The following QTMAN variants were observed in gnomAD, a reference collection of about 807,000 sequenced individuals.
The protein encoded by QTMAN is queuosine-tRNA mannosyltransferase.
At chr2:144,037,339 A>G in the QTMAN span, among the ~76,000 whole-genome samples, 1 of 152,200 alleles carries the variant, frequency 6.6e-6, no homozygotes, top group African/African-American at 2.4e-5. Flanking sequence ...AGTGGTAAAT[A>G]TTTTACTGTC....
At chr2:144,125,997 G>A in the QTMAN span, among the ~76,000 whole-genome samples, 3 of 152,028 alleles carry the variant, frequency 2.0e-5, no homozygotes, top group Non-Finnish European at 2.9e-5. Flanking sequence ...AACACGTATG[G>A]AGAAAGAGAT....
At chr2:144,067,853 T>C in the QTMAN span, among the ~76,000 whole-genome samples, 15 of 152,170 alleles carry the variant, frequency 9.9e-5, no homozygotes, top group Non-Finnish European at 1.9e-4. Context: ...GTGGGGGAAG[T>C]GCTTTTTCCC....
At chr2:144,311,063 T>G in the QTMAN span, among the ~76,000 whole-genome samples, 8 of 152,244 alleles carry the variant, frequency 5.3e-5, no homozygotes, top group East Asian at 1.3e-3. Flanking sequence ...CATACAAGTC[T>G]GCTAGGCACT....
At chr2:143,991,302 C>T in the QTMAN span, among the ~76,000 whole-genome samples, 2 of 152,040 alleles carry the variant, frequency 1.3e-5, no homozygotes, top group Non-Finnish European at 2.9e-5. Context: ...AACATTATCA[C>T]AGTGAAGGTG....
the QTMAN span, among the ~76,000 whole-genome samples, chr2:144,143,158 T>A: frequency 2.0e-4 from 30 of 152,104 alleles, no homozygotes; most frequent in South Asian, 5.8e-3. Flanking sequence ...TGATGTCTGA[T>A]AGGTTAGTTG....
the QTMAN span, among the ~76,000 whole-genome samples, chr2:144,216,046 C>T: frequency 6.6e-6 from 1 of 152,170 alleles, no homozygotes; most frequent in Non-Finnish European, 1.5e-5. Context: ...AATTCCTTTT[C>T]CCCAACTTCC....
chr2:144,028,620 G>GAACAATCCA, the QTMAN span, among the ~76,000 whole-genome samples: 1 of 152,120 alleles, frequency 6.6e-6, no homozygotes, highest in Admixed American at 6.6e-5. Context: ...CCGATGAGCA[G>GAACAATCCA]AACAATCCAA....
At chr2:144,051,216 G>T in the QTMAN span, among the ~76,000 whole-genome samples, 2 of 152,096 alleles carry the variant, frequency 1.3e-5, no homozygotes, top group African/African-American at 2.4e-5. Flanking sequence ...GGGTGTGTGT[G>T]TGTGTGTGTA....
the QTMAN span, among the ~76,000 whole-genome samples, chr2:144,287,316 T>C: frequency 3.3e-5 from 5 of 151,884 alleles, no homozygotes; most frequent in Admixed American, 2.0e-4. Flanking sequence ...GCGCCTGTAG[T>C]CCCAGCTACT....
the QTMAN span, among the ~76,000 whole-genome samples, chr2:144,099,391 A>C: frequency 6.6e-6 from 1 of 152,248 alleles, no homozygotes; most frequent in African/African-American, 2.4e-5. Flanking sequence ...AAGTAGGAAG[A>C]GAGTTGGAAA....
At chr2:144,293,239 A>G in the QTMAN span, among the ~76,000 whole-genome samples, 14 of 152,340 alleles carry the variant, frequency 9.2e-5, no homozygotes, top group East Asian at 2.5e-3. Context: ...AGATGCATGT[A>G]GTATACAGAT....
the QTMAN span, among the ~76,000 whole-genome samples, chr2:144,119,530 T>C: frequency 1.3e-5 from 2 of 152,202 alleles, no homozygotes; most frequent in Admixed American, 1.3e-4. Flanking sequence ...CATTACATGG[T>C]ACAATGACCA....
the QTMAN span, among the ~76,000 whole-genome samples, chr2:144,291,191 C>T: frequency 3.2e-4 from 48 of 152,300 alleles, no homozygotes; most frequent in African/African-American, 1.2e-3. Context: ...CAATCTAATG[C>T]TAATTTGATT....
the QTMAN span, among the ~76,000 whole-genome samples, chr2:144,315,824 G>A: frequency 6.6e-6 from 1 of 152,012 alleles, no homozygotes; most frequent in Non-Finnish European, 1.5e-5. Context: ...ATTTTTACCT[G>A]TCCTGTCTTC....
At chr2:144,144,790 A>G in the QTMAN span, among the ~76,000 whole-genome samples, 1 of 151,978 alleles carries the variant, frequency 6.6e-6, no homozygotes, top group African/African-American at 2.4e-5. Context: ...GGGTCTGTTC[A>G]AATACATCAT....
At chr2:144,327,068 C>T in the QTMAN span, among the ~76,000 whole-genome samples, 11 of 152,254 alleles carry the variant, frequency 7.2e-5, no homozygotes, top group East Asian at 7.7e-4. Flanking sequence ...GCCCTGCCCC[C>T]AACCCACAGA....
chr2:144,233,681 G>A, the QTMAN span, among the ~76,000 whole-genome samples: 128 of 152,268 alleles, frequency 8.4e-4, no homozygotes, highest in Non-Finnish European at 1.6e-3. Flanking sequence ...AGAGAACAAA[G>A]AATGATATAG....
the QTMAN span, among the ~76,000 whole-genome samples, chr2:144,093,946 G>C: frequency 6.6e-6 from 1 of 152,136 alleles, no homozygotes; most frequent in Non-Finnish European, 1.5e-5. Flanking sequence ...TATTTGAGAA[G>C]GCATGACCAA....
chr2:144,099,158 T>C, the QTMAN span, among the ~76,000 whole-genome samples: 4 of 152,198 alleles, frequency 2.6e-5, no homozygotes, highest in African/African-American at 7.2e-5. Flanking sequence ...GCTTCCCCTA[T>C]ACATCTGTCT....
Sources: allele counts gnomAD v4.1 joint callset (sites outside exome capture counted in the v4.1 genomes callset), GRCh38; gene constraint gnomAD v4.1.1; transcripts MANE v1.5; gene names NCBI Gene and HGNC (gene_info 2026-07-23, HGNC 2026-07-21).